The following CLN8 variants were observed in gnomAD, a reference collection of about 807,000 sequenced individuals.
The protein encoded by CLN8 is protein CLN8.
Under a neutral mutation model 15.7 loss-of-function variants are expected in CLN8, and 14 were observed. That is an observed-to-expected ratio of 0.89 (90% confidence interval 0.59 to 1.39). The LOEUF (loss-of-function observed/expected upper bound fraction) is 1.39, where lower values mean the gene tolerates loss of function less well. Among genes scored for constraint, CLN8 ranks in the 40% most tolerant of loss-of-function variants. The pLI is 0.00. For synonymous variants in CLN8, 188 were observed against 151.0 expected (o/e 1.25, Z -1.80); for missense variants, 415 against 364.0 (o/e 1.14, Z -1.14).
chr8:1,772,636 G>C (rs1014894724), intron 2 of CLN8, among the ~76,000 whole-genome samples: 1 of 151,626 alleles, frequency 6.6e-6, no homozygotes, highest in South Asian at 2.1e-4. Flanking sequence ...TTGTGTGTGT[G>C]TGTGTGTGTG....
At chr8:1,779,261 T>A (rs1801628919) in intron 2 of CLN8, among the ~76,000 whole-genome samples, 1 of 152,220 alleles carries the variant, frequency 6.6e-6, no homozygotes, top group Non-Finnish European at 1.5e-5. Context: ...ATTTTATTTT[T>A]TTGAGACAGT....
intron 1 of CLN8, among the ~76,000 whole-genome samples, chr8:1,765,405 G>C (rs1027132896): frequency 1.3e-5 from 2 of 152,212 alleles, no homozygotes; most frequent in African/African-American, 4.8e-5. Context: ...GGTGCTTGGA[G>C]CTGTGTAAGA....
upstream of CLN8, among the ~76,000 whole-genome samples, chr8:1,755,275 T>A (rs1262477102): frequency 6.6e-6 from 1 of 152,190 alleles, no homozygotes; most frequent in African/African-American, 2.4e-5. Context: ...GGTTAGTCTA[T>A]GTCATGCATT....
At position 1,783,140 on chromosome 8, in the gene CLN8, A is replaced by T. The variant is rs1322926519; in HGVS notation, c.*2573A>T. 6.6e-6 allele frequency: 1 copy of T among 152,194 alleles called. No homozygotes were observed. Among genetic ancestry groups the T allele is most frequent in the Non-Finnish European group, 1.5e-5 (1 of 68,066 alleles). 9.4% of individuals were successfully genotyped at this position (152,194 alleles called of 1,614,324 possible). ...TCTCCCTGACCGGCAGTGTGAGGGG[A>T]TGTAGCTATAGTGGAGCATGGTACA... On this transcript the variant is annotated 3_prime_UTR_variant, in exon 3 of 3. Coordinates refer to ENST00000331222, the MANE Select transcript of CLN8 (RefSeq NM_018941.4).
chr8:1,771,191 C>A lies in CLN8; in HGVS notation c.137C>A (p.Ser46Tyr), dbSNP rs1418349889. The A allele has an allele frequency of 5.6e-6, 9 of 1,613,948 alleles. No homozygotes were observed. In the African/African-American group the frequency reaches 1.2e-4, roughly 22 times the overall value. The change falls in exon 2 of 3, where the codon TCC (serine) becomes TAC (tyrosine). Residue 46 changes from serine (S) to tyrosine (Y), a missense_variant. Physicochemically the swap from Ser to Tyr is moderately radical, Grantham distance 144. Coordinates refer to ENST00000331222, the MANE Select transcript of CLN8 (RefSeq NM_018941.4). ...LGVFVVCHQL[S>Y]SSLNATYRSL... ...GTCTTTGTGGTCTGCCACCAGCTGT[C>A]CTCTTCCCTGAATGCCACTTACCGT...
Position 1,780,377 on chromosome 8 carries a change from G to C in CLN8, c.671G>C (p.Ser224Thr), listed in dbSNP as rs368824736. 15 of 1,614,240 alleles carry C rather than the reference G, an allele frequency of 9.3e-6. No individual in the cohort carries two copies. In the South Asian group the frequency reaches 1.4e-4, roughly 15 times the overall value. The change falls in exon 3 of 3, where the codon AGC becomes ACC. Residue 224 changes from serine to threonine, a missense_variant. Transcript: ENST00000331222. ...VCFWHWDGLV[S>T]SLYLPHLTLF... ...TTCTGGCACTGGGACGGCCTGGTCA[G>C]CAGCCTGTATCTGCCTCATTTGACA...
In CLN8 at chr8:1,768,186, C is replaced by T. The variant is rs1471811183; in HGVS notation, c.-123-2746C>T. On this transcript the variant is annotated intron_variant, in intron 1 of 2. Transcript: ENST00000331222. ...CTTGAACTCCTGACCTCAAGTGATT[C>T]ACCCACCTTGGCTTCCCAAAGTGCT... is the stretch of plus-strand genomic sequence containing the variant. Among the ~76,000 whole-genome samples, 4 of 152,090 alleles carry T rather than the reference C, an allele frequency of 2.6e-5. No homozygotes were observed. In the South Asian group the frequency reaches 8.3e-4, roughly 32 times the overall value.
rs142696456 is a variant in CLN8 at position 1,771,929 on chromosome 8, A to ATATT, written c.543+350_543+353dup. On this transcript the variant is annotated intron_variant, in intron 2 of 2. Transcript: ENST00000331222. Reference sequence around the variant, plus strand: ...TAATTTTTTCCTTTCTTTTAATACTATATTTATTTATTTATTTATTTTTTG... The same window carrying ATATT: ...TAATTTTTTCCTTTCTTTTAATACTATATTTATTTATTTATTTATTTATTTTTTG... Among the ~76,000 whole-genome samples, 368 of 148,142 alleles carry ATATT rather than the reference A, an allele frequency of 2.5e-3. 2 individuals are homozygous for ATATT. Among genetic ancestry groups the ATATT allele is most frequent in the African/African-American group, 8.7e-3 (353 of 40,364 alleles).
At chr8:1,762,754 A>C (rs1800830886), upstream of CLN8, 2 of 152,240 alleles carry the variant, frequency 1.3e-5, no homozygotes, top group Admixed American at 1.3e-4. Flanking sequence ...AAAGGAAAAA[A>C]GCGAGGGTCC....
Position 1,771,311 on chromosome 8 carries a change from TG to T in CLN8, c.262del (p.Asp88ThrfsTer39). 1 of 1,614,172 alleles carries T rather than the reference TG, an allele frequency of 6.2e-7. No homozygotes were observed. The highest frequency in any genetic ancestry group is 8.5e-7 in the Non-Finnish European group (1 of 1,180,020). ...QSTAAGLWAL[L>X]GDPVLHADKA... ...ACAGCCGCAGGCCTGTGGGCTCTGCTGGGGGACCCTGTGCTGCATGCCGACA... is the reference window on the plus strand; with the variant it reads ...ACAGCCGCAGGCCTGTGGGCTCTGCTGGGGACCCTGTGCTGCATGCCGACA... On this transcript the variant is annotated frameshift_variant, in exon 2 of 3. Coordinates refer to ENST00000331222, the MANE Select transcript of CLN8 (RefSeq NM_018941.4). LOFTEE classifies it high-confidence loss of function.
upstream of CLN8, among the ~76,000 whole-genome samples, chr8:1,760,882 A>G (rs888393936): frequency 1.6e-4 from 24 of 152,206 alleles, no homozygotes; most frequent in African/African-American, 5.3e-4. Context: ...TCTTGTATCA[A>G]TGTAAAAGCC....
At chr8:1,761,930 C>G (rs772991017), upstream of CLN8, 10 of 152,232 alleles carry the variant, frequency 6.6e-5, no homozygotes, top group Admixed American at 5.9e-4. Flanking sequence ...TGCATGAATT[C>G]TAAACCATAA....
rs878855052 is a variant in CLN8 at position 1,771,327 on chromosome 8, G to T, written c.273G>T (p.Leu91=). Residue 91 remains leucine, a synonymous_variant, in exon 2 of 3, where the codon CTG becomes CTT. Transcript: ENST00000331222. ...GLWALLGDPV[L]HADKARGQQN... is the part of the protein sequence containing the mutation. ...GGGCTCTGCTGGGGGACCCTGTGCTGCATGCCGACAAGGCGCGTGGCCAGC... is the reference window on the plus strand; with the variant it reads ...GGGCTCTGCTGGGGGACCCTGTGCTTCATGCCGACAAGGCGCGTGGCCAGC... 3 of 1,614,198 alleles carry T rather than the reference G, an allele frequency of 1.9e-6. No individual in the cohort carries two copies. Among genetic ancestry groups the T allele is most frequent in the Non-Finnish European group, 2.5e-6 (3 of 1,180,048 alleles).
intron 2 of CLN8, among the ~76,000 whole-genome samples, chr8:1,772,638 G>GTT (rs1483845888): frequency 2.1e-4 from 32 of 151,678 alleles, no homozygotes; most frequent in Non-Finnish European, 7.4e-5. Flanking sequence ...GTGTGTGTGT[G>GTT]TGTGTGTGTG....
chr8:1,765,572 T>A (rs889669941), intron 1 of CLN8, among the ~76,000 whole-genome samples: 55 of 152,202 alleles, frequency 3.6e-4, no homozygotes, highest in Admixed American at 6.5e-4. Flanking sequence ...TGTAAATAGC[T>A]CTTGTCAGGT....
Position 1,786,094 on chromosome 8 carries a change from CG to C in CLN8, c.*5528del. 6.6e-6 allele frequency: 1 copy of C among 152,606 alleles called. No individual in the cohort carries two copies. The highest frequency in any genetic ancestry group is 1.5e-5 in the Non-Finnish European group (1 of 68,372). The allele number at this position is 152,606 out of a possible 1,614,324, so 9.5% of individuals were successfully genotyped here. The stretch of plus-strand genomic sequence containing the variant: ...TGCGGGGGCTCTCTATCGGGGTCTT[CG>C]AGAGCCAGACAGCCTGCCTTGTGCT... On this transcript the variant is annotated 3_prime_UTR_variant, in exon 3 of 3. Transcript: ENST00000331222.
At chr8:1,763,380 A>G (rs181966608), upstream of CLN8, 1 of 54,310 alleles carries the variant, frequency 1.8e-5, no homozygotes, top group Non-Finnish European at 3.6e-5. Flanking sequence ...CCGCCGCCCC[A>G]CAGCGCCCGC....
chr8:1,764,140 G>C (rs1010231000), intron 1 of CLN8, among the ~76,000 whole-genome samples: 6 of 151,936 alleles, frequency 3.9e-5, no homozygotes, highest in Admixed American at 3.9e-4. Context: ...GCCCGGGTGA[G>C]GGGCCGGGGT....
exon 1 of CLN8, chr8:1,755,983 C>T (rs1189135342): frequency 1.3e-5 from 2 of 152,166 alleles, no homozygotes; most frequent in African/African-American, 2.4e-5. Context: ...AAGTACTGTT[C>T]TTGGTTTCTG....
Sources: allele counts gnomAD v4.1 joint callset (sites outside exome capture counted in the v4.1 genomes callset), GRCh38; gene constraint gnomAD v4.1.1; transcripts MANE v1.5; gene names NCBI Gene and HGNC (gene_info 2026-07-23, HGNC 2026-07-21).